Variants in FLG observed in about 807,000 individuals in gnomAD.
FLG encodes the protein epidermal filaggrin.
Under a neutral mutation model 3.8 loss-of-function variants are expected in FLG, and 6 were observed. The ratio of observed to expected loss-of-function variants is 1.60; its 90% confidence interval spans 0.87 to 3.15. FLG has a LOEUF of 3.15. FLG is among the 30% of genes most tolerant of loss of function. The probability of loss-of-function intolerance (pLI) is 0.00; values close to 1 mark genes in which losing one functional copy is unlikely to be tolerated. For missense variants in FLG, 7,595 were observed against 5,050.9 expected (o/e 1.50, Z -15.27); for synonymous variants, 2,551 against 1,931.6 (o/e 1.32, Z -8.41).
Position 152,306,708 on chromosome 1 carries a change from GC to G in FLG, c.8177del (p.Gly2726AlafsTer17). The part of the protein sequence containing the change: ...HQQSHQESAR[G>X]RSGETSGHSG... The stretch of plus-strand genomic sequence containing the variant: ...AATGTCCAGACGTTTCCCCTGACCG[GC>G]CACGTGCGGACTCTTGGTGGCTCTG... On this transcript the variant is annotated frameshift_variant, in exon 3 of 3. Transcript: ENST00000368799. LOFTEE classifies it low-confidence loss of function (END_TRUNC). 1 of 1,560,980 alleles carries G rather than the reference GC, an allele frequency of 6.4e-7. No homozygotes were observed. Among genetic ancestry groups the G allele is most frequent in the South Asian group, 1.1e-5 (1 of 89,832 alleles).
Position 152,303,553 on chromosome 1 carries a change from A to C in FLG, c.11333T>G (p.Val3778Gly). The C allele has an allele frequency of 1.9e-6, 3 of 1,613,688 alleles. No individual in the cohort carries two copies. Among genetic ancestry groups the C allele is most frequent in the Non-Finnish European group, 2.5e-6 (3 of 1,179,954 alleles). Residue 3778 changes from valine to glycine, a missense_variant, in exon 3 of 3, where the codon GTA (valine) becomes GGA (glycine). Coordinates refer to ENST00000368799, the MANE Select transcript of FLG (RefSeq NM_002016.2). ...GRQGSYHEQSVDRSGHSGSHH... is the reference protein window; with the variant it reads ...GRQGSYHEQSGDRSGHSGSHH... ...GGACCCTGAGTGTCCAGACCTATCT[A>C]CCGATTGCTCGTGGTAGGATCCCTG... is the stretch of plus-strand genomic sequence containing the variant.
At position 152,304,192 on chromosome 1, in the gene FLG, C is replaced by G. The variant is rs372965139; in HGVS notation, c.10694G>C (p.Gly3565Ala). 33 of 1,610,144 alleles carry G rather than the reference C, an allele frequency of 2.0e-5. No homozygotes were observed. Among genetic ancestry groups the G allele is most frequent in the Non-Finnish European group, 2.5e-5 (29 of 1,179,418 alleles). Residue 3565 changes from glycine to alanine, a missense_variant, in exon 3 of 3, where the codon GGA becomes GCA. Coordinates refer to ENST00000368799, the MANE Select transcript of FLG (RefSeq NM_002016.2). The stretch of plus-strand genomic sequence containing the variant: ...ATCTCTTGACTGCTCCTGAGCAGAT[C>G]CACGATGGTTTCTGGAAGCAGACCC... ...WSGSASRNHR[G>A]SAQEQSRDGS... is the part of the protein sequence containing the mutation.
chr1:152,320,044 G>C (rs918878429), intron 1 of FLG, among the ~76,000 whole-genome samples: 3 of 151,200 alleles, frequency 2.0e-5, no homozygotes, highest in African/African-American at 4.8e-5. Context: ...AGGGGTTAAA[G>C]TATTTTTTTC....
Position 152,311,361 on chromosome 1 carries a change from T to A in FLG, c.3525A>T (p.Gly1175=), listed in dbSNP as rs141675108. ...IRAHPGSRRG[G]RQGSHHEQSV... is the part of the protein sequence containing the mutation. ...ATTGCTCATGGTGGGATCCCTGCCTTCCTCCTCTCCTTGACCCCGGGTGTG... is the reference window on the plus strand; with the variant it reads ...ATTGCTCATGGTGGGATCCCTGCCTACCTCCTCTCCTTGACCCCGGGTGTG... Residue 1175 remains glycine (G), a synonymous_variant, in exon 3 of 3, where the codon GGA becomes GGT. Coordinates refer to ENST00000368799, the MANE Select transcript of FLG (RefSeq NM_002016.2). 1.9e-6 allele frequency: 3 copies of A among 1,613,280 alleles called. No individual in the cohort carries two copies. The highest frequency in any genetic ancestry group is 1.7e-5 in the Admixed American group (1 of 59,922).
In FLG at chr1:152,303,107, C is replaced by T. The variant is rs1557869612; in HGVS notation, c.11779G>A (p.Glu3927Lys). 1 of 1,614,178 alleles carries T rather than the reference C, an allele frequency of 6.2e-7. No individual in the cohort carries two copies. Among genetic ancestry groups the T allele is most frequent in the Non-Finnish European group, 8.5e-7 (1 of 1,180,048 alleles). Residue 3927 changes from glutamate (E) to lysine (K), a missense_variant, in exon 3 of 3, where the codon GAA (glutamate) becomes AAA (lysine). Coordinates refer to ENST00000368799, the MANE Select transcript of FLG (RefSeq NM_002016.2). Reference protein sequence around the residue: ...PVQSDSSTAKEHGHFSSLSQD... With the variant: ...PVQSDSSTAKKHGHFSSLSQD... Reference sequence around the variant, plus strand: ...GAAAGACTACTAAAGTGACCATGTTCCTTAGCGGTACTAGAGTCTGACTGT... The same window carrying T: ...GAAAGACTACTAAAGTGACCATGTTTCTTAGCGGTACTAGAGTCTGACTGT...
At position 152,302,985 on chromosome 1, in the gene FLG, T is replaced by G. The variant is rs1381518604; in HGVS notation, c.11901A>C (p.Lys3967Asn). The G allele has an allele frequency of 5.0e-6, 8 of 1,614,188 alleles. No individual in the cohort carries two copies. The highest frequency in any genetic ancestry group is 5.9e-6 in the Non-Finnish European group (7 of 1,180,026). Residue 3967 changes from lysine to asparagine, a missense_variant, in exon 3 of 3, where the codon AAA becomes AAC. Coordinates refer to ENST00000368799, the MANE Select transcript of FLG (RefSeq NM_002016.2). ...HYQSEGTERQ[K>N]GQSGLVWRHG... ...GTCTCCAAACTAAACCTGATTGACC[T>G]TTTTGCCTTTCAGTGCCCTCAGATT...
In FLG at chr1:152,311,820, A is replaced by G. The variant is rs373782926; in HGVS notation, c.3066T>C (p.His1022=). 2 of 1,614,018 alleles carry G rather than the reference A, an allele frequency of 1.2e-6. No individual in the cohort carries two copies. Among genetic ancestry groups the G allele is most frequent in the African/African-American group, 1.3e-5 (1 of 74,988 alleles). The change falls in exon 3 of 3, where the codon CAT becomes CAC. Residue 1022 remains histidine, a synonymous_variant. Coordinates refer to ENST00000368799, the MANE Select transcript of FLG (RefSeq NM_002016.2). The part of the protein sequence containing the change: ...TSSGGQAASS[H]EQARSSPGER... ...CTCCTGGACTTGATCTTGCCTGTTC[A>G]TGGGATGACGCAGCCTGTCCACCAG... is the stretch of plus-strand genomic sequence containing the variant.
In FLG at chr1:152,304,722, G is replaced by A. The variant is rs764304265; in HGVS notation, c.10164C>T (p.Tyr3388=). Residue 3388 remains tyrosine (Y), a synonymous_variant, in exon 3 of 3, where the codon TAC becomes TAT. Transcript: ENST00000368799. ...GRSGRSGSFL[Y]QVSTHEQSES... is the part of the protein sequence containing the mutation. ...CAGACTGTTCATGAGTGCTCACCTG[G>A]TAGAGGAAAGACCCTGAACGTCCAG... 12 of 1,613,326 alleles carry A rather than the reference G, an allele frequency of 7.4e-6. 1 individual carries two copies. The Admixed American group carries it at 1.8e-4, about 25-fold the overall frequency.
Position 152,304,597 on chromosome 1 carries a change from C to T in FLG, c.10289G>A (p.Gly3430Asp). Residue 3430 changes from glycine (G) to aspartate (D), a missense_variant, in exon 3 of 3, where the codon GGT becomes GAT. Physicochemically the swap from Gly to Asp is moderately conservative, Grantham distance 94. Transcript: ENST00000368799. ...CGGGTGTCCACGAATGGTGTCCTGACCCTCTTGGGACGCTGAGTGCCTGGA... is the reference window on the plus strand; with the variant it reads ...CGGGTGTCCACGAATGGTGTCCTGATCCTCTTGGGACGCTGAGTGCCTGGA... The part of the protein sequence containing the change: ...DSSRHSASQE[G>D]QDTIRGHPGS... The T allele has an allele frequency of 6.2e-7, 1 of 1,610,406 alleles. No homozygotes were observed. Among genetic ancestry groups the T allele is most frequent in the Non-Finnish European group, 8.5e-7 (1 of 1,178,436 alleles).
intron 2 of FLG, 132 bp from the exon 3 acceptor site, chr1:152,314,879 AG>A: frequency 8.6e-7 from 1 of 1,164,190 alleles, no homozygotes; most frequent in Non-Finnish European, 1.2e-6. Context: ...TTTTTTTTTA[AG>A]ACTTTTTTGT....
At position 152,312,754 on chromosome 1, in the gene FLG, C is replaced by A. The variant is rs139043400; in HGVS notation, c.2132G>T (p.Arg711Leu). The A allele has an allele frequency of 1.2e-6, 2 of 1,613,572 alleles. No individual in the cohort carries two copies. Among genetic ancestry groups the A allele is most frequent in the Non-Finnish European group, 1.7e-6 (2 of 1,179,810 alleles). The change falls in exon 3 of 3, where the codon CGC becomes CTC. Residue 711 changes from arginine to leucine, a missense_variant. Physicochemically the swap from Arg to Leu is moderately radical, Grantham distance 102 (BLOSUM62 -2). Transcript: ENST00000368799. ...GCTGTCTGCTGACTGGAGCTGGTGG[C>A]GGGATCCATGTCTTTCTCCTGCACT... ...RSSAGERHGSRHQLQSADSSR... is the reference protein window; with the variant it reads ...RSSAGERHGSLHQLQSADSSR...
intron 1 of FLG, among the ~76,000 whole-genome samples, chr1:152,318,348 C>T (rs1281741464): frequency 6.6e-6 from 1 of 151,966 alleles, no homozygotes; most frequent in Non-Finnish European, 1.5e-5. Flanking sequence ...TCCATCATTA[C>T]CTCATCATCA....
rs753743484 is a variant in FLG at position 152,302,983 on chromosome 1, C to A, written c.11903G>T (p.Gly3968Val). The A allele has an allele frequency of 1.9e-6, 3 of 1,614,180 alleles. No homozygotes were observed. The highest frequency in any genetic ancestry group is 1.7e-6 in the Non-Finnish European group (2 of 1,180,032). Reference sequence around the variant, plus strand: ...ATGTCTCCAAACTAAACCTGATTGACCTTTTTGCCTTTCAGTGCCCTCAGA... The same window carrying A: ...ATGTCTCCAAACTAAACCTGATTGAACTTTTTGCCTTTCAGTGCCCTCAGA... Reference protein sequence around the residue: ...YQSEGTERQKGQSGLVWRHGS... With the variant: ...YQSEGTERQKVQSGLVWRHGS... Residue 3968 changes from glycine to valine, a missense_variant, in exon 3 of 3, where the codon GGT (glycine) becomes GTT (valine). By Grantham distance (109) the Gly-to-Val change is moderately radical (BLOSUM62 -3). Transcript: ENST00000368799.
In FLG at chr1:152,313,565, C is replaced by A; in HGVS notation, c.1321G>T (p.Gly441Ter). 1 of 1,614,022 alleles carries A rather than the reference C, an allele frequency of 6.2e-7. No individual in the cohort carries two copies. The highest frequency in any genetic ancestry group is 1.1e-5 in the South Asian group (1 of 91,060). The change falls in exon 3 of 3, where the codon GGA becomes TGA. Residue 441 changes from glycine to a stop codon, truncating the protein, a stop_gained. Transcript: ENST00000368799. LOFTEE classifies it low-confidence loss of function (END_TRUNC). Reference protein sequence around the residue: ...NSDTQSVSGHGKAGLRQQSHQ... With the variant: ...NSDTQSVSGH The stretch of plus-strand genomic sequence containing the variant: ...CTCTGCTGTCTCAGCCCAGCCTTTC[C>A]GTGGCCTGACACTGATTGTGTGTCT...
Position 152,312,970 on chromosome 1 carries a change from C to G in FLG, c.1916G>C (p.Gly639Ala), listed in dbSNP as rs753268888. The G allele has an allele frequency of 8.1e-6, 13 of 1,613,774 alleles. No individual in the cohort carries two copies. In the African/African-American group the frequency reaches 1.7e-4, roughly 22 times the overall value. Residue 639 changes from glycine (G) to alanine (A), a missense_variant, in exon 3 of 3, where the codon GGG becomes GCG. Coordinates refer to ENST00000368799, the MANE Select transcript of FLG (RefSeq NM_002016.2). ...GHSEDSERWS[G>A]SASRNHHGSA... is the part of the protein sequence containing the mutation. ...TCCATGATGGTTTCTGGAAGCAGAC[C>G]CAGACCACCTCTCAGAGTCTTCTGA...
At position 152,314,555 on chromosome 1, in the gene FLG, C is replaced by T. The variant is rs1240146425; in HGVS notation, c.331G>A (p.Glu111Lys). 4 of 1,613,610 alleles carry T rather than the reference C, an allele frequency of 2.5e-6. No homozygotes were observed. The highest frequency in any genetic ancestry group is 1.7e-5 in the Admixed American group (1 of 59,994). Residue 111 changes from glutamate to lysine, a missense_variant, in exon 3 of 3, where the codon GAA becomes AAA. Transcript: ENST00000368799. ...HRKHSHHDKHEDNKQEENKEN... is the reference protein window; with the variant it reads ...HRKHSHHDKHKDNKQEENKEN... The stretch of plus-strand genomic sequence containing the variant: ...TTGTTTTCTTCCTGTTTATTATCTT[C>T]ATGTTTATCATGATGACTGTGCTTT...
At chr1:152,319,136 C>T (rs561819575) in intron 1 of FLG, among the ~76,000 whole-genome samples, 9 of 151,486 alleles carry the variant, frequency 5.9e-5, no homozygotes, top group South Asian at 2.1e-4. Context: ...GAGATACAGA[C>T]GGGTCAGATA....
In FLG at chr1:152,311,121, T is replaced by G; in HGVS notation, c.3765A>C (p.Glu1255Asp). The change falls in exon 3 of 3, where the codon GAA becomes GAC. Residue 1255 changes from glutamate to aspartate, a missense_variant. Coordinates refer to ENST00000368799, the MANE Select transcript of FLG (RefSeq NM_002016.2). Reference protein sequence around the residue: ...DSSRHSQVGQEQSSGSRTSRH... With the variant: ...DSSRHSQVGQDQSSGSRTSRH... ...TGCTTGTCCTGGACCCCGATGATTGTTCCTGTCCCACCTGTGAGTGTCTAG... is the reference window on the plus strand; with the variant it reads ...TGCTTGTCCTGGACCCCGATGATTGGTCCTGTCCCACCTGTGAGTGTCTAG... 1 of 1,613,914 alleles carries G rather than the reference T, an allele frequency of 6.2e-7. No homozygotes were observed. Among genetic ancestry groups the G allele is most frequent in the Non-Finnish European group, 8.5e-7 (1 of 1,179,982 alleles).
chr1:152,311,121 T>C lies in FLG; in HGVS notation c.3765A>G (p.Glu1255=), dbSNP rs182236814. 1.2e-6 allele frequency: 2 copies of C among 1,613,914 alleles called. No homozygotes were observed. Among genetic ancestry groups the C allele is most frequent in the East Asian group, 2.2e-5 (1 of 44,808 alleles). Residue 1255 remains glutamate (E), a synonymous_variant, in exon 3 of 3, where the codon GAA becomes GAG. Coordinates refer to ENST00000368799, the MANE Select transcript of FLG (RefSeq NM_002016.2). ...DSSRHSQVGQ[E]QSSGSRTSRH... is the part of the protein sequence containing the mutation. The stretch of plus-strand genomic sequence containing the variant: ...TGCTTGTCCTGGACCCCGATGATTG[T>C]TCCTGTCCCACCTGTGAGTGTCTAG...
Sources: gnomAD v4.1 joint callset for allele counts (sites outside exome capture counted in the v4.1 genomes callset) on GRCh38, gnomAD v4.1.1 for gene constraint, MANE v1.5 for transcripts, NCBI Gene and HGNC (gene_info 2026-07-23, HGNC 2026-07-21) for gene names.